The following C13orf46 variants were observed in gnomAD, a reference collection of about 807,000 sequenced individuals.
The protein encoded by C13orf46 is chromosome 13 open reading frame 46.
chr13:113,951,639 A>G (rs2052489143), downstream of C13orf46, among the ~76,000 whole-genome samples: 1 of 151,922 alleles, frequency 6.6e-6, no homozygotes, highest in African/African-American at 2.4e-5. Flanking sequence ...AGCCTCCTCC[A>G]GGCCCCAGCG....
the C13orf46 span, among the ~76,000 whole-genome samples, chr13:113,936,704 G>A: frequency 1.3e-5 from 2 of 151,444 alleles, no homozygotes; most frequent in Admixed American, 6.6e-5. Context: ...GTAGGCAAGG[G>A]CGCTTGCTGC....
intron 6 of C13orf46, among the ~76,000 whole-genome samples, chr13:113,959,874 A>G (rs2052573827): frequency 6.6e-6 from 1 of 152,240 alleles, no homozygotes; most frequent in Admixed American, 6.5e-5. Context: ...AGTCATGATA[A>G]GGTTTATGAA....
chr13:113,936,975 C>G, the C13orf46 span, among the ~76,000 whole-genome samples: 1 of 152,126 alleles, frequency 6.6e-6, no homozygotes, highest in African/African-American at 2.4e-5. Flanking sequence ...TAGCAGAATT[C>G]AGGCTCCTCT....
chr13:113,959,540 G>A (rs934293883), intron 6 of C13orf46, among the ~76,000 whole-genome samples: 2 of 152,202 alleles, frequency 1.3e-5, no homozygotes, highest in Admixed American at 6.5e-5. Context: ...CCCAGCAGGC[G>A]TGTGACACAT....
chr13:113,932,623 A>G, the C13orf46 span, among the ~76,000 whole-genome samples: 3 of 152,248 alleles, frequency 2.0e-5, no homozygotes, highest in East Asian at 1.9e-4. Flanking sequence ...TTTAGAAAGA[A>G]GTCCTTTTTG....
the C13orf46 span, among the ~76,000 whole-genome samples, chr13:113,942,780 C>T: frequency 1.7e-4 from 26 of 152,268 alleles, no homozygotes; most frequent in Admixed American, 5.2e-4. Flanking sequence ...TGTTGGTGAT[C>T]GGTCAGCCAG....
downstream of C13orf46, among the ~76,000 whole-genome samples, chr13:113,953,112 C>T (rs1309182513): frequency 6.6e-6 from 1 of 152,228 alleles, no homozygotes; most frequent in Non-Finnish European, 1.5e-5. Flanking sequence ...GCCCACTGAG[C>T]CCTTCCCCAG....
downstream of C13orf46, among the ~76,000 whole-genome samples, chr13:113,951,602 TC>T (rs1162510955): frequency 8.0e-5 from 12 of 149,252 alleles, no homozygotes; most frequent in Non-Finnish European, 7.4e-5. Flanking sequence ...CTGCACTCGC[TC>T]CCCGCCCCCC....
intron 6 of C13orf46, among the ~76,000 whole-genome samples, chr13:113,962,897 G>A (rs1046008346): frequency 2.0e-5 from 3 of 152,194 alleles, no homozygotes; most frequent in South Asian, 2.1e-4. Context: ...CAACCCCAAT[G>A]TCCTAGTGAA....
At chr13:113,939,954 C>A in the C13orf46 span, among the ~76,000 whole-genome samples, 1 of 152,230 alleles carries the variant, frequency 6.6e-6, no homozygotes, top group African/African-American at 2.4e-5. Flanking sequence ...CCGCTGGCCT[C>A]ATCTGAGCCA....
At chr13:113,949,914 TCAAAGACCTCAG>T (rs2052482311), downstream of C13orf46, among the ~76,000 whole-genome samples, 2 of 150,662 alleles carry the variant, frequency 1.3e-5, no homozygotes, top group African/African-American at 4.9e-5. Context: ...ACTCCCTGCC[TCAAAGACCTCAG>T]TGCTCCCATC....
chr13:113,942,364 T>C, the C13orf46 span, among the ~76,000 whole-genome samples: 2 of 152,320 alleles, frequency 1.3e-5, no homozygotes, highest in South Asian at 2.1e-4. Flanking sequence ...TGATTGCTGC[T>C]GACAAGACCC....
chr13:113,940,366 A>G, the C13orf46 span, among the ~76,000 whole-genome samples: 1 of 152,180 alleles, frequency 6.6e-6, no homozygotes, highest in Admixed American at 6.5e-5. Flanking sequence ...TTCCCAGGGG[A>G]AGCACTTTCC....
At chr13:113,952,834 C>T (rs2138966115), downstream of C13orf46, among the ~76,000 whole-genome samples, 1 of 152,372 alleles carries the variant, frequency 6.6e-6, no homozygotes, top group African/African-American at 2.4e-5. Context: ...GCCTGAGCCT[C>T]TCAGCCCAAC....
intron 4 of C13orf46, among the ~76,000 whole-genome samples, 163 bp downstream of exon 4, chr13:113,968,304 A>G (rs2052669682): frequency 6.6e-6 from 1 of 152,152 alleles, no homozygotes; most frequent in East Asian, 1.9e-4. Flanking sequence ...CTTGGCCCCA[A>G]GCCTCTCTAG....
chr13:113,956,317 GGAGGAGTAGTATCTGGTGGA>G lies in C13orf46; in HGVS notation c.*436_*455del, dbSNP rs1380858142. On this transcript the variant is annotated 3_prime_UTR_variant, in exon 7 of 7. Coordinates refer to ENST00000636427, the MANE Select transcript of C13orf46 (RefSeq NM_001365455.2). The stretch of plus-strand genomic sequence containing the variant: ...GGAGACGAGGAGCATCTGGTGGAGA[GGAGGAGTAGTATCTGGTGGA>G]GAGGAGTAGTATCTGGTGGAGAGGA... 157 of 144,718 alleles carry G rather than the reference GGAGGAGTAGTATCTGGTGGA, an allele frequency of 1.1e-3. 1 individual carries two copies. Among genetic ancestry groups the G allele is most frequent in the African/African-American group, 3.2e-3 (127 of 39,192 alleles). 9.0% of individuals were successfully genotyped at this position (144,718 alleles called of 1,614,324 possible).
chr13:113,947,295 A>C, the C13orf46 span, among the ~76,000 whole-genome samples: 1,018 of 152,280 alleles, frequency 6.7e-3, 10 homozygotes, highest in African/African-American at 0.023. Context: ...GGCTGGAGCA[A>C]CTGGGAGTAA....
the C13orf46 span, among the ~76,000 whole-genome samples, chr13:113,935,853 T>C: frequency 1.3e-5 from 2 of 152,256 alleles, no homozygotes; most frequent in African/African-American, 4.8e-5. Context: ...CCAGGGGCCA[T>C]GCTTGGGCCT....
the C13orf46 span, among the ~76,000 whole-genome samples, chr13:113,936,986 C>A: frequency 3.9e-5 from 6 of 152,156 alleles, no homozygotes; most frequent in African/African-American, 1.4e-4. Flanking sequence ...AGGCTCCTCT[C>A]GTCCTCGTAG....
Sources: gnomAD v4.1 joint callset for allele counts (sites outside exome capture counted in the v4.1 genomes callset) on GRCh38, gnomAD v4.1.1 for gene constraint, MANE v1.5 for transcripts, NCBI Gene and HGNC (gene_info 2026-07-23, HGNC 2026-07-21) for gene names.